The following ZNF385D variants were observed in gnomAD, a reference collection of about 807,000 sequenced individuals.
ZNF385D encodes zinc finger protein 659.
In ZNF385D, 15 loss-of-function variants were observed where a neutral mutation model predicts 35.8. That is an observed-to-expected ratio of 0.42 (90% CI 0.28 to 0.64). The LOEUF (loss-of-function observed/expected upper bound fraction) is 0.64. Among genes scored for constraint, ZNF385D ranks in the 30% least tolerant of loss-of-function variants. ZNF385D has a pLI of 0.23. For missense variants in ZNF385D, 474 were observed against 494.6 expected, an observed-to-expected ratio of 0.96 and a Z score of 0.39; for synonymous variants, 212 against 186.8, an observed-to-expected ratio of 1.13 and a Z score of -1.10.
At chr3:21,633,840 C>A (rs1467876815) in intron 2 of ZNF385D, among the ~76,000 whole-genome samples, 1 of 152,078 alleles carries the variant, frequency 6.6e-6, no homozygotes, top group East Asian at 1.9e-4. Context: ...CCTAATAAAT[C>A]TATGATCTTA....
chr3:21,431,196 A>G (rs2125217636), intron 5 of ZNF385D: 1 of 152,284 alleles, frequency 6.6e-6, no homozygotes, highest in East Asian at 1.9e-4. Flanking sequence ...CTCATTTAAC[A>G]AGAATAGTCA....
chr3:22,076,349 G>A (rs183072856), intron 3 of ZNF385D, among the ~76,000 whole-genome samples: 52 of 151,902 alleles, frequency 3.4e-4, no homozygotes, highest in Admixed American at 6.6e-4. Context: ...AGTCTCTCTG[G>A]TTTTCTTTCA....
chr3:21,459,207 C>T (rs1373265629), intron 4 of ZNF385D: 2 of 152,154 alleles, frequency 1.3e-5, no homozygotes, highest in African/African-American at 4.8e-5. Context: ...GCCTTTGACT[C>T]AAGGTGCAAC....
chr3:21,492,112 G>A (rs182842505), intron 4 of ZNF385D, among the ~76,000 whole-genome samples: 6 of 152,140 alleles, frequency 3.9e-5, no homozygotes, highest in Admixed American at 1.3e-4. Context: ...TATAATAAAT[G>A]TTTTATTTTT....
chr3:22,124,828 A>C (rs549806741), intron 3 of ZNF385D, among the ~76,000 whole-genome samples: 1 of 152,038 alleles, frequency 6.6e-6, no homozygotes, highest in African/African-American at 2.4e-5. Context: ...TTCTTGTCAG[A>C]TGGATAGTTT....
At chr3:22,250,500 C>T (rs1201986077) in intron 2 of ZNF385D, among the ~76,000 whole-genome samples, 1 of 151,856 alleles carries the variant, frequency 6.6e-6, no homozygotes, top group Non-Finnish European at 1.5e-5. Context: ...GGAATATTGC[C>T]CCAACACTCC....
At chr3:22,174,765 G>A (rs1257591742) in intron 2 of ZNF385D, among the ~76,000 whole-genome samples, 1 of 152,092 alleles carries the variant, frequency 6.6e-6, no homozygotes, top group East Asian at 1.9e-4. Context: ...CAGGGTAGAT[G>A]ACAGCTGGCT....
intron 2 of ZNF385D, among the ~76,000 whole-genome samples, chr3:22,336,057 A>G (rs1695146949): frequency 6.9e-6 from 1 of 145,024 alleles, no homozygotes; most frequent in African/African-American, 2.5e-5. Flanking sequence ...CAGATTAAAT[A>G]TACTAAACTA....
Position 21,540,775 on chromosome 3 carries a change from T to C in ZNF385D, c.276+23799A>G, listed in dbSNP as rs148170730. Among the ~76,000 whole-genome samples, 477 of 152,336 alleles carry C rather than the reference T, an allele frequency of 3.1e-3. 2 individuals carry two copies. Among genetic ancestry groups the C allele is most frequent in the Middle Eastern group, 0.02 (6 of 294 alleles). ...ACCCTGAATGTTACTTATGTGATTA[T>C]GAAAAGATCTACTTCTCGAAGTACC... On this transcript the variant is annotated intron_variant, in intron 3 of 7. Coordinates refer to ENST00000281523, the MANE Select transcript of ZNF385D (RefSeq NM_024697.3).
intron 3 of ZNF385D, among the ~76,000 whole-genome samples, chr3:21,528,380 C>T (rs565036918): frequency 2.0e-5 from 3 of 152,296 alleles, no homozygotes; most frequent in African/African-American, 7.2e-5. Flanking sequence ...TCAGAGTTCA[C>T]TGGCTACTTG....
Position 22,045,419 on chromosome 3 carries a change from G to A in ZNF385D, c.325+123398C>T, listed in dbSNP as rs186296081. Among the ~76,000 whole-genome samples, 751 of 152,278 alleles carry A rather than the reference G, an allele frequency of 4.9e-3. 4 individuals are homozygous for A. The highest frequency in any genetic ancestry group is 0.01 in the Middle Eastern group (3 of 294). The stretch of plus-strand genomic sequence containing the variant: ...ATGGGAGATGATATCCAGAACTGAA[G>A]AAGAGAGGCTGGTCTTCCACAGAAT... On this transcript the variant is annotated intron_variant, in intron 3 of 5. Coordinates refer to the ZNF385D transcript ENST00000494108.
intron 2 of ZNF385D, among the ~76,000 whole-genome samples, chr3:21,643,164 G>A (rs1488857278): frequency 1.1e-4 from 16 of 152,008 alleles, no homozygotes; most frequent in Admixed American, 1.0e-3. Context: ...TAAGACCTGG[G>A]CAATTGAGCC....
chr3:21,913,834 T>C lies in ZNF385D; in HGVS notation c.326-248806A>G, dbSNP rs144220313. Among the ~76,000 whole-genome samples the C allele has an allele frequency of 8.0e-3, 1,221 of 152,214 alleles. 20 individuals are homozygous for C. The highest frequency in any genetic ancestry group is 0.028 in the African/African-American group (1,168 of 41,556). ...TAATTCATCATAGATCCATGCCTCA[T>C]AATGATCCATCTGTCTAGATTTCCT... is the stretch of plus-strand genomic sequence containing the variant. On this transcript the variant is annotated intron_variant, in intron 3 of 5. Coordinates refer to the ZNF385D transcript ENST00000494108.
At position 21,448,407 on chromosome 3, in the gene ZNF385D, C is replaced by A. The variant is rs568675206; in HGVS notation, c.440-11204G>T. Among the ~76,000 whole-genome samples the A allele has an allele frequency of 6.8e-4, 103 of 152,170 alleles. 1 individual carries two copies. The South Asian group carries it at 0.02, about 29-fold the overall frequency. Reference sequence around the variant, plus strand: ...AAAACAGCAATGTATTATTATTTTTCTCTCTGCAAAGAAGGAAGAAAAATG... The same window carrying A: ...AAAACAGCAATGTATTATTATTTTTATCTCTGCAAAGAAGGAAGAAAAATG... On this transcript the variant is annotated intron_variant, in intron 4 of 7. Coordinates refer to ENST00000281523, the MANE Select transcript of ZNF385D (RefSeq NM_024697.3).
intron 1 of ZNF385D, among the ~76,000 whole-genome samples, chr3:21,710,493 C>T (rs191470670): frequency 3.6e-4 from 55 of 152,208 alleles, no homozygotes; most frequent in South Asian, 8.3e-4. Flanking sequence ...TTTTCATAAT[C>T]CTCCATAACC....
At chr3:21,787,802 G>A (rs962070602) in intron 3 of ZNF385D, among the ~76,000 whole-genome samples, 1 of 152,042 alleles carries the variant, frequency 6.6e-6, no homozygotes, top group East Asian at 1.9e-4. Context: ...GGGAAGAAGA[G>A]CGTACTTTTT....
chr3:22,270,993 A>AT (rs1701148631), intron 2 of ZNF385D, among the ~76,000 whole-genome samples: 1 of 151,706 alleles, frequency 6.6e-6, no homozygotes, highest in African/African-American at 2.4e-5. Context: ...CATTCTGGGT[A>AT]TTTTCTGAGC....
chr3:22,140,943 T>G (rs1051152366), intron 3 of ZNF385D, among the ~76,000 whole-genome samples: 7 of 152,228 alleles, frequency 4.6e-5, no homozygotes, highest in African/African-American at 1.7e-4. Flanking sequence ...CCCTTAGGTT[T>G]ACAAAGAATA....
At chr3:22,354,681 T>C (rs1696068759) in intron 2 of ZNF385D, among the ~76,000 whole-genome samples, 1 of 152,074 alleles carries the variant, frequency 6.6e-6, no homozygotes, top group African/African-American at 2.4e-5. Flanking sequence ...TCCCATATTG[T>C]TTTTATCATA....
Sources: allele counts gnomAD v4.1 joint callset (sites outside exome capture counted in the v4.1 genomes callset), GRCh38; gene constraint gnomAD v4.1.1; transcripts MANE v1.5; gene names NCBI Gene and HGNC (gene_info 2026-07-23, HGNC 2026-07-21).